QTGAL: variants seen among roughly 807,000 people sequenced by gnomAD.
QTGAL encodes BGnT-like protein 1.
At chr17:83,048,439 T>C in the QTGAL span, 4 of 1,540,028 alleles carry the variant, frequency 2.6e-6, no homozygotes. Context: ...AACCACGAAT[T>C]ATAGTTTAAT....
the QTGAL span, among the ~76,000 whole-genome samples, chr17:83,007,537 C>T: frequency 1.3e-5 from 2 of 152,170 alleles, no homozygotes; most frequent in African/African-American, 4.8e-5. Context: ...ACACCGAGAC[C>T]CTGAGGCCAG....
the QTGAL span, chr17:83,051,752 G>A: frequency 1.9e-5 from 29 of 1,497,332 alleles, no homozygotes; most frequent in Admixed American, 8.5e-5. Flanking sequence ...GGGCCTGCAT[G>A]GCCTGGCTCT....
At chr17:82,956,713 G>A in the QTGAL span, 8 of 1,587,172 alleles carry the variant, frequency 5.0e-6, no homozygotes, top group South Asian at 4.6e-5. This position sits in a 1 kb window ranked among gnomAD's most constrained non-coding sequence, Gnocchi z 5.7. Context: ...CGCAGATGAC[G>A]AAGGGTGGCC....
the QTGAL span, among the ~76,000 whole-genome samples, chr17:83,013,611 G>A: frequency 6.6e-6 from 1 of 150,716 alleles, no homozygotes; most frequent in African/African-American, 2.5e-5. Context: ...GCCGTGACCA[G>A]GCCCGTCTGT....
chr17:83,016,478 G>C, the QTGAL span, among the ~76,000 whole-genome samples: 8 of 151,232 alleles, frequency 5.3e-5, no homozygotes, highest in Non-Finnish European at 7.4e-5. Context: ...GGAGGGTGGA[G>C]AATGGAGGAG....
the QTGAL span, among the ~76,000 whole-genome samples, chr17:82,973,452 G>T: frequency 6.6e-6 from 1 of 152,192 alleles, no homozygotes; most frequent in Non-Finnish European, 1.5e-5. Context: ...CGGTTTTCAC[G>T]GTCTTCCCGG....
the QTGAL span, among the ~76,000 whole-genome samples, chr17:82,960,888 C>T: frequency 5.3e-5 from 8 of 152,254 alleles, no homozygotes; most frequent in Non-Finnish European, 1.2e-4. Context: ...GCCGAATCCC[C>T]GCCACCCTCG....
the QTGAL span, chr17:82,947,818 C>G: frequency 1.3e-5 from 2 of 152,436 alleles, no homozygotes. Context: ...TCAAAGCCAT[C>G]CTTCCTGGAA....
At chr17:82,970,526 AGCGTGGCCGCGACCTCCGCACCCG>A in the QTGAL span, among the ~76,000 whole-genome samples, 1,042 of 121,968 alleles carry the variant, frequency 8.5e-3, 35 homozygotes, top group African/African-American at 0.025. Context: ...CTCCCCACCC[AGCGTGGCCGCGACCTCCGCACCCG>A]GCGTGGCCGC....
the QTGAL span, among the ~76,000 whole-genome samples, chr17:82,964,040 T>C: frequency 9.4e-5 from 13 of 138,084 alleles, no homozygotes; most frequent in South Asian, 2.7e-3. Flanking sequence ...GGGGGGTGGA[T>C]TGCTTGAGCC....
the QTGAL span, among the ~76,000 whole-genome samples, chr17:82,960,874 G>A: frequency 6.6e-6 from 1 of 152,246 alleles, no homozygotes; most frequent in South Asian, 2.1e-4. Context: ...GCCCCTTCGT[G>A]GACGCCGAAT....
At chr17:82,965,484 G>T in the QTGAL span, among the ~76,000 whole-genome samples, 2 of 152,326 alleles carry the variant, frequency 1.3e-5, no homozygotes, top group South Asian at 2.1e-4. Flanking sequence ...TAAGATGCTG[G>T]CAGGTGCCAG....
chr17:82,990,832 A>G, the QTGAL span, among the ~76,000 whole-genome samples: 1 of 152,066 alleles, frequency 6.6e-6, no homozygotes, highest in Non-Finnish European at 1.5e-5. Flanking sequence ...CTTTATAATA[A>G]GAGACACCAC....
chr17:82,945,097 AT>A, the QTGAL span: 1 of 152,232 alleles, frequency 6.6e-6, no homozygotes. Context: ...ATATGAGTAC[AT>A]TTTTGAAAAG....
At chr17:83,005,142 C>T in the QTGAL span, 1 of 1,609,128 alleles carries the variant, frequency 6.2e-7, no homozygotes, top group Non-Finnish European at 8.5e-7. The surrounding 1 kb of genome is among the most constrained non-coding windows in gnomAD (Gnocchi z 5.6). Context: ...CCGGCGTCAG[C>T]TGGTTGATCC....
At chr17:82,950,271 C>A in the QTGAL span, among the ~76,000 whole-genome samples, 1 of 152,218 alleles carries the variant, frequency 6.6e-6, no homozygotes, top group Non-Finnish European at 1.5e-5. Context: ...GAAGGGTTTT[C>A]ACCAAGTGCC....
chr17:82,959,597 G>A, the QTGAL span, among the ~76,000 whole-genome samples: 8 of 152,050 alleles, frequency 5.3e-5, no homozygotes, highest in East Asian at 3.9e-4. Context: ...TGGGTGTCTC[G>A]GGGCGGGGGG....
chr17:82,969,669 T>G, the QTGAL span, among the ~76,000 whole-genome samples: 1 of 152,178 alleles, frequency 6.6e-6, no homozygotes, highest in South Asian at 2.1e-4. Context: ...CTGGGCAACA[T>G]AGCAAGACCC....
chr17:82,984,910 T>G, the QTGAL span, among the ~76,000 whole-genome samples: 1 of 152,148 alleles, frequency 6.6e-6, no homozygotes, highest in Non-Finnish European at 1.5e-5. Context: ...TCCTTCAAGC[T>G]GCCAGGACCT....
Sources: allele counts gnomAD v4.1 joint callset (sites outside exome capture counted in the v4.1 genomes callset), GRCh38; gene constraint gnomAD v4.1.1; non-coding constraint Gnocchi (gnomAD v3.1); transcripts MANE v1.5; gene names NCBI Gene and HGNC (gene_info 2026-07-23, HGNC 2026-07-21).